Variants in DEPDC1B observed in about 807,000 individuals in gnomAD.
The protein encoded by DEPDC1B is DEP domain containing 1B, also known as DEP domain-containing protein 1B.
Under a neutral mutation model 66.5 loss-of-function variants are expected in DEPDC1B, and 51 were observed. That is an observed-to-expected ratio of 0.77 (90% CI 0.61 to 0.97). The LOEUF (loss-of-function observed/expected upper bound fraction) is 0.97. DEPDC1B is among the 50% of genes least tolerant of loss of function. The probability of loss-of-function intolerance (pLI) is 0.00; values close to 1 mark genes in which losing one functional copy is unlikely to be tolerated. For synonymous variants in DEPDC1B, 226 were observed against 223.6 expected, an observed-to-expected ratio of 1.01 and a Z score of -0.10; for missense variants, 552 against 637.1, an observed-to-expected ratio of 0.87 and a Z score of 1.44.
intron 6 of DEPDC1B, among the ~76,000 whole-genome samples, chr5:60,640,542 G>A (rs758020962): frequency 3.3e-5 from 5 of 152,232 alleles, no homozygotes; most frequent in Non-Finnish European, 7.4e-5. Context: ...GAAAAGAAAT[G>A]CTTTGACTTT....
intron 1 of DEPDC1B, among the ~76,000 whole-genome samples, chr5:60,697,526 T>A (rs932145139): frequency 6.6e-6 from 1 of 152,128 alleles, no homozygotes; most frequent in Non-Finnish European, 1.5e-5. Context: ...AATATATGAT[T>A]TACCTAGCAA....
At chr5:60,633,130 G>A (rs765886136) in intron 7 of DEPDC1B, among the ~76,000 whole-genome samples, 4 of 152,208 alleles carry the variant, frequency 2.6e-5, no homozygotes, top group Admixed American at 1.3e-4. Flanking sequence ...AAGAATCTGA[G>A]GCTAGGGGAT....
intron 5 of DEPDC1B, 97 bp downstream of exon 5, chr5:60,644,648 T>C: frequency 9.7e-7 from 1 of 1,027,578 alleles, no homozygotes; most frequent in Non-Finnish European, 1.4e-6. Context: ...AGGAACAAAC[T>C]TATTCAGGGT....
At chr5:60,687,299 A>G in intron 1 of DEPDC1B, 72 bp from the exon 2 acceptor site, 2 of 1,510,772 alleles carry the variant, frequency 1.3e-6, no homozygotes, top group Non-Finnish European at 1.8e-6. Context: ...TCAAATAATT[A>G]AAGCAAAGAA....
intron 7 of DEPDC1B, among the ~76,000 whole-genome samples, chr5:60,633,553 T>C (rs1011040135): frequency 2.0e-5 from 3 of 152,168 alleles, no homozygotes; most frequent in Non-Finnish European, 2.9e-5. Flanking sequence ...GGGAGACATG[T>C]GGAGCAGAAC....
chr5:60,682,538 TAAAG>T (rs1029378549), intron 2 of DEPDC1B, among the ~76,000 whole-genome samples: 2 of 151,748 alleles, frequency 1.3e-5, no homozygotes, highest in Admixed American at 6.6e-5. Context: ...AATTAAAAAA[TAAAG>T]AAAATAAAGA....
intron 7 of DEPDC1B, among the ~76,000 whole-genome samples, chr5:60,622,844 G>GT (rs1346147628): frequency 2.6e-5 from 4 of 151,932 alleles, no homozygotes; most frequent in African/African-American, 4.8e-5. Context: ...GTTGTGTCCA[G>GT]TTTTTTTGTT....
chr5:60,678,457 G>A (rs1048657588), intron 2 of DEPDC1B, among the ~76,000 whole-genome samples: 2 of 152,126 alleles, frequency 1.3e-5, no homozygotes, highest in Non-Finnish European at 2.9e-5. Context: ...TATAGTCAAT[G>A]TACTTATTAA....
intron 2 of DEPDC1B, among the ~76,000 whole-genome samples, chr5:60,677,326 A>ACACTCTCTCTCT (rs770640655): frequency 6.0e-4 from 65 of 108,562 alleles, no homozygotes; most frequent in African/African-American, 2.3e-3. Context: ...ACACACACAC[A>ACACTCTCTCTCT]CTCTCTCTCT....
chr5:60,696,256 T>C (rs1473132061), intron 1 of DEPDC1B, among the ~76,000 whole-genome samples: 1 of 152,250 alleles, frequency 6.6e-6, no homozygotes, highest in African/African-American at 2.4e-5. Flanking sequence ...GCTCTATTGC[T>C]ACTGACTTTT....
Position 60,599,207 on chromosome 5 carries a change from G to C in DEPDC1B, c.1296C>G (p.Cys432Trp). The C allele has an allele frequency of 1.2e-6, 2 of 1,611,982 alleles. No individual in the cohort carries two copies. The highest frequency in any genetic ancestry group is 1.7e-6 in the Non-Finnish European group (2 of 1,179,324). Residue 432 changes from cysteine (C) to tryptophan (W), a missense_variant, in exon 10 of 11, where the codon TGC (cysteine) becomes TGG (tryptophan). By Grantham distance (215) the Cys-to-Trp change is radical (BLOSUM62 -2). Coordinates refer to ENST00000265036, the MANE Select transcript of DEPDC1B (RefSeq NM_018369.3). ...CAAATTCCTCTGGACTAATTTGACG[G>C]CAAAATGATGGAGCAGATAAAGTGA... ...MDITLSAPSF[C>W]RQISPEEFEY...
chr5:60,633,910 G>A (rs286152), intron 7 of DEPDC1B, among the ~76,000 whole-genome samples: 8,046 of 152,106 alleles, frequency 0.053, 452 homozygotes, highest in African/African-American at 0.14. Context: ...ATAGTACAGG[G>A]CACCCCTTTA....
intron 1 of DEPDC1B, 50 bp from the exon 2 acceptor site, chr5:60,687,277 GATT>G (rs1465736629): frequency 4.5e-6 from 7 of 1,552,670 alleles, no homozygotes; most frequent in Non-Finnish European, 6.1e-6. Context: ...ATTTTTTTAA[GATT>G]ACTACATCTC....
In DEPDC1B at chr5:60,597,753, T is replaced by C; in HGVS notation, c.1590A>G (p.Ter530=). 3 of 1,612,438 alleles carry C rather than the reference T, an allele frequency of 1.9e-6. No individual in the cohort carries two copies. Among genetic ancestry groups the C allele is most frequent in the African/African-American group, 1.3e-5 (1 of 74,940 alleles). Reference sequence around the variant, plus strand: ...AGCACCTGTTGCTGTGGAAGTATTATTACATTCGAAAACTTCTAGTTCTTT... The same window carrying C: ...AGCACCTGTTGCTGTGGAAGTATTACTACATTCGAAAACTTCTAGTTCTTT... The part of the protein sequence containing the change: ...PFQRTRSFRM[*] Residue 530 remains the stop codon, a stop_retained_variant, in exon 11 of 11, where the codon TAA becomes TAG. Transcript: ENST00000265036.
intron 2 of DEPDC1B, among the ~76,000 whole-genome samples, chr5:60,664,519 T>C (rs1753793300): frequency 6.6e-6 from 1 of 152,230 alleles, no homozygotes; most frequent in Admixed American, 6.5e-5. Flanking sequence ...CAGCCACATT[T>C]CTTCCAGACA....
At chr5:60,604,102 C>A (rs1752261145) in intron 8 of DEPDC1B, among the ~76,000 whole-genome samples, 1 of 151,124 alleles carries the variant, frequency 6.6e-6, no homozygotes, top group Non-Finnish European at 1.5e-5. Context: ...TTGAACAAAG[C>A]CATGGGACTT....
chr5:60,667,540 T>TAAAAAATGGATATTTTACATATATAAA lies in DEPDC1B; in HGVS notation c.314+19395_314+19421dup, dbSNP rs1554054866. 5.4e-5 allele frequency among the ~76,000 whole-genome samples: 6 copies of TAAAAAATGGATATTTTACATATATAAA among 110,556 alleles called. 2 individuals carry two copies. The Admixed American group carries it at 6.2e-4, about 11-fold the overall frequency. 72.5% of individuals were successfully genotyped at this position (110,556 alleles called of 152,430 possible). On this transcript the variant is annotated intron_variant, in intron 2 of 10. Transcript: ENST00000265036. ...AAAAAATGGATATTTTACATATATATAAAAAATGGATATTTTACATATATA... is the reference window on the plus strand; with the variant it reads ...AAAAAATGGATATTTTACATATATATAAAAAATGGATATTTTACATATATAAAAAAAAATGGATATTTTACATATATA...
chr5:60,621,293 A>C (rs1235306593), intron 7 of DEPDC1B, among the ~76,000 whole-genome samples: 1 of 151,616 alleles, frequency 6.6e-6, no homozygotes, highest in Non-Finnish European at 1.5e-5. Context: ...TAATAATAAA[A>C]TTTTAAAAAT....
At chr5:60,661,542 CCT>C (rs1477335922) in intron 2 of DEPDC1B, among the ~76,000 whole-genome samples, 18 of 152,248 alleles carry the variant, frequency 1.2e-4, no homozygotes, top group African/African-American at 4.1e-4. Flanking sequence ...TACCTTTTTC[CCT>C]CTCAGACTTG....
Sources: gnomAD v4.1 joint callset for allele counts (sites outside exome capture counted in the v4.1 genomes callset) on GRCh38, gnomAD v4.1.1 for gene constraint, MANE v1.5 for transcripts, NCBI Gene and HGNC (gene_info 2026-07-23, HGNC 2026-07-21) for gene names.